ENOX2: variants seen among roughly 807,000 people sequenced by gnomAD.
ENOX2 encodes APK1 antigen.
In ENOX2, 36 loss-of-function variants were observed where a neutral mutation model predicts 45.0. That is an observed-to-expected ratio of 0.80 (90% CI 0.61 to 1.06). ENOX2 has a LOEUF of 1.06. Ranked by LOEUF, ENOX2 falls within the 50% of genes least tolerant of loss-of-function variation. The pLI, the probability that ENOX2 is intolerant of heterozygous loss-of-function variation, is 0.00. For missense variants in ENOX2, 423 were observed against 462.5 expected (o/e 0.91, Z 0.78); for synonymous variants, 174 against 152.3 (o/e 1.14, Z -1.05).
At chrX:130,895,663 GAAC>G (rs1349069163) in intron 2 of ENOX2, among the ~76,000 whole-genome samples, 4 of 112,005 alleles carry the variant, frequency 3.6e-5, no homozygotes, top group African/African-American at 6.5e-5. Context: ...TTATGCTAAA[GAAC>G]AACATTTTGT....
At chrX:130,739,441 C>T (rs1340670911) in intron 3 of ENOX2, among the ~76,000 whole-genome samples, 5 of 112,259 alleles carry the variant, frequency 4.5e-5, no homozygotes, top group Admixed American at 1.9e-4. Context: ...TTTCAATTTA[C>T]GATGTGTTTA....
chrX:130,715,666 C>T (rs890295051), intron 3 of ENOX2, among the ~76,000 whole-genome samples: 13 of 110,010 alleles, frequency 1.2e-4, no homozygotes, highest in East Asian at 5.7e-4. Context: ...TAATGCTGAA[C>T]GATGCTGAAT....
chrX:130,858,137 C>T (rs1418590636), intron 2 of ENOX2, among the ~76,000 whole-genome samples: 3 of 94,561 alleles, frequency 3.2e-5, no homozygotes, highest in Admixed American at 2.5e-4. Flanking sequence ...TTTTTTTAGA[C>T]GGAGTCTTGC....
At chrX:130,778,476 T>C (rs1485706615) in intron 3 of ENOX2, among the ~76,000 whole-genome samples, 3 of 111,834 alleles carry the variant, frequency 2.7e-5, no homozygotes, top group African/African-American at 6.5e-5. Flanking sequence ...AGGTCTATGA[T>C]CAAGACTGGA....
chrX:130,628,075 G>C, intron 13 of ENOX2, 32 bp from the exon 14 acceptor site: 2 of 1,044,629 alleles, frequency 1.9e-6, no homozygotes, highest in Non-Finnish European at 2.7e-6. Context: ...GGTTATACTT[G>C]AGCCTTGTAT....
At chrX:130,859,044 C>T (rs1465056904) in intron 2 of ENOX2, among the ~76,000 whole-genome samples, 1 of 112,230 alleles carries the variant, frequency 8.9e-6, no homozygotes, top group Non-Finnish European at 1.9e-5. Flanking sequence ...AAATAACAGC[C>T]TGGCTGGGCA....
intron 2 of ENOX2, among the ~76,000 whole-genome samples, chrX:130,853,463 CAAA>C (rs754949787): frequency 1.4e-4 from 4 of 27,992 alleles, no homozygotes; most frequent in Admixed American, 4.2e-4. Flanking sequence ...GACTCCGTCT[CAAA>C]AAAAAAAAAA....
intron 3 of ENOX2, among the ~76,000 whole-genome samples, chrX:130,757,372 T>C (rs1169673281): frequency 8.9e-6 from 1 of 112,273 alleles, no homozygotes; most frequent in Non-Finnish European, 1.9e-5. Context: ...TCATAGAATT[T>C]ACACAATGTA....
chrX:130,688,740 T>A, intron 5 of ENOX2, 123 bp downstream of exon 5: 1 of 574,737 alleles, frequency 1.7e-6, no homozygotes, highest in Non-Finnish European at 2.7e-6. Context: ...CTGTCTTCTG[T>A]TCTCTAGGTG....
intron 3 of ENOX2, among the ~76,000 whole-genome samples, chrX:130,753,120 G>A: frequency 9.1e-6 from 1 of 109,941 alleles, no homozygotes; most frequent in East Asian, 2.9e-4. Flanking sequence ...TTTTCTTCTT[G>A]ACTTTCTTTC....
intron 2 of ENOX2, among the ~76,000 whole-genome samples, chrX:130,827,587 T>TC (rs2077741486): frequency 9.0e-6 from 1 of 111,209 alleles, no homozygotes; most frequent in African/African-American, 3.3e-5. Flanking sequence ...ATTATATTTT[T>TC]CCCCCAGCAT....
At chrX:130,705,128 C>T (rs1403749354) in intron 3 of ENOX2, among the ~76,000 whole-genome samples, 3 of 112,232 alleles carry the variant, frequency 2.7e-5, no homozygotes, top group Non-Finnish European at 5.6e-5. Flanking sequence ...TGAGTCTACA[C>T]TCTGATTTTC....
chrX:130,656,412 C>T (rs148305436), intron 10 of ENOX2, among the ~76,000 whole-genome samples, 169 bp downstream of exon 10: 97 of 112,608 alleles, frequency 8.6e-4, no homozygotes, highest in African/African-American at 3.1e-3. Context: ...ATCCTGTAGC[C>T]ACAGAGCTGA....
Position 130,688,883 on chromosome X carries a change from G to A in ENOX2, c.233C>T (p.Thr78Met), listed in dbSNP as rs778753517. ...VKEIIHCKSC[T>M]LFPPNPNLPP... ...ATTACTTGGATTTGGAGGGAAGAGC[G>A]TGCAGCTTTTACAGTGTATGATCTC... The change falls in exon 5 of 15, where the codon ACG (threonine) becomes ATG (methionine). Residue 78 changes from threonine (T) to methionine (M), a missense_variant. Thr to Met is a moderately conservative substitution (Grantham distance 81). This residue lies in a region of ENOX2 where 261 missense variants were observed against 306.8 expected (regional missense o/e 0.85). Transcript: ENST00000394363. 4 of 1,198,888 alleles carry A rather than the reference G, an allele frequency of 3.3e-6. No individual in the cohort carries two copies. The highest frequency in any genetic ancestry group is 2.2e-5 in the Admixed American group (1 of 45,395).
At chrX:130,717,773 T>C (rs2038366560) in intron 3 of ENOX2, among the ~76,000 whole-genome samples, 1 of 111,940 alleles carries the variant, frequency 8.9e-6, no homozygotes, top group South Asian at 3.8e-4. Context: ...ATGAAATTTG[T>C]ATGCCCAACA....
rs769787314 is a variant in ENOX2, at chrX:130,670,090, C to A, written c.569G>T (p.Arg190Leu). The A allele has an allele frequency of 2.5e-6, 3 of 1,208,202 alleles. No individual in the cohort carries two copies. In the African/African-American group the frequency reaches 5.3e-5, roughly 21 times the overall value. Residue 190 changes from arginine to leucine, a missense_variant, in exon 7 of 15, where the codon CGT becomes CTT. Around this residue, in one of 5 missense-constraint regions of ENOX2, gnomAD observed 261 missense variants for 306.8 expected, o/e 0.85. Coordinates refer to ENST00000394363, the MANE Select transcript of ENOX2 (RefSeq NM_006375.4). ...DDLYEWECKQ[R>L]MLAREERHRR... Reference sequence around the variant, plus strand: ...ATGGCGCTCCTCTCTGGCTAGCATACGCTGTTTACACTCCCACTCATACAG... The same window carrying A: ...ATGGCGCTCCTCTCTGGCTAGCATAAGCTGTTTACACTCCCACTCATACAG...
At chrX:130,841,212 T>C (rs2078010284) in intron 2 of ENOX2, among the ~76,000 whole-genome samples, 1 of 112,245 alleles carries the variant, frequency 8.9e-6, no homozygotes, top group African/African-American at 3.2e-5. Flanking sequence ...GAGTGTATTG[T>C]ATTTGCTATC....
At chrX:130,785,307 A>G (rs1326416635) in intron 2 of ENOX2, among the ~76,000 whole-genome samples, 3 of 106,319 alleles carry the variant, frequency 2.8e-5, no homozygotes, top group African/African-American at 1.0e-4. Flanking sequence ...CCTGGGCAAC[A>G]AGAGTGAAAC....
At chrX:130,866,288 A>G (rs2078491758) in intron 2 of ENOX2, among the ~76,000 whole-genome samples, 1 of 111,531 alleles carries the variant, frequency 9.0e-6, no homozygotes, top group Non-Finnish European at 1.9e-5. Context: ...GTCCTGATTG[A>G]TTTCTAGTCT....
Sources: gnomAD v4.1 joint callset for allele counts (sites outside exome capture counted in the v4.1 genomes callset) on GRCh38, gnomAD v4.1.1 for gene constraint, gnomAD v4.1.1 regional missense constraint, MANE v1.5 for transcripts, NCBI Gene and HGNC (gene_info 2026-07-23, HGNC 2026-07-21) for gene names.